Variants in MED12L observed in about 807,000 individuals in gnomAD.
MED12L encodes mediator of RNA polymerase II transcription subunit 12-like protein.
A neutral mutation model predicts 281.3 loss-of-function variants in MED12L; 60 were observed. The observed-to-expected ratio is 0.21, with a 90% CI of 0.17 to 0.26. The LOEUF (loss-of-function observed/expected upper bound fraction) is 0.26. Among genes scored for constraint, MED12L ranks in the 10% least tolerant of loss-of-function variants. MED12L has a pLI of 1.00. For synonymous variants in MED12L, 974 were observed against 987.2 expected, an observed-to-expected ratio of 0.99 and a Z score of 0.25; for missense variants, 2,146 against 2,680.9, an observed-to-expected ratio of 0.80 and a Z score of 4.41.
At position 151,433,241 on chromosome 3, in the gene MED12L, G is replaced by A. The variant is rs776668724; in HGVS notation, c.*437G>A. ...ACCAAACTACTGATTTGAAAGGCAT[G>A]TCAGATCTTGACAGAAACATGGCCT... On this transcript the variant is annotated 3_prime_UTR_variant, in exon 45 of 45. Transcript: ENST00000687756. The A allele has an allele frequency of 3.2e-4, 50 of 154,104 alleles. 1 individual carries two copies. Among genetic ancestry groups the A allele is most frequent in the Non-Finnish European group, 1.4e-4 (10 of 69,256 alleles). The allele number at this position is 154,104 out of a possible 1,614,324, so 9.5% of individuals were successfully genotyped here. A position where few individuals can be genotyped will look rare whatever the true frequency, so the allele number is the denominator to read the frequency against.
chr3:151,098,095 C>T (rs566068791), intron 2 of MED12L, among the ~76,000 whole-genome samples: 1 of 152,254 alleles, frequency 6.6e-6, no homozygotes, highest in Admixed American at 6.5e-5. Flanking sequence ...GCGGGGCATC[C>T]AGGGGAGAGC....
chr3:151,138,133 C>T (rs1343241252), intron 5 of MED12L, among the ~76,000 whole-genome samples: 1 of 151,760 alleles, frequency 6.6e-6, no homozygotes, highest in African/African-American at 2.4e-5. Flanking sequence ...CTTCTTTCTC[C>T]TTACATAGTA....
intron 39 of MED12L, among the ~76,000 whole-genome samples, chr3:151,404,702 C>T (rs1716084234): frequency 6.6e-6 from 1 of 152,210 alleles, no homozygotes. Flanking sequence ...CAAAATCTGG[C>T]TGTGGTTTTT....
rs767005082 is a variant in MED12L at position 151,388,114 on chromosome 3, A to G, written c.5393A>G (p.Asp1798Gly). The change falls in exon 37 of 45, where the codon GAT (aspartate) becomes GGT (glycine). Residue 1798 changes from aspartate to glycine, a missense_variant. Asp to Gly is a moderately conservative substitution (Grantham distance 94). This residue lies in a region of MED12L where 496 missense variants were observed against 512.0 expected (regional missense o/e 0.97). Coordinates refer to ENST00000687756, the MANE Select transcript of MED12L (RefSeq NM_001393769.1). ...ELSDQGKTTT[D>G]EEKKTKGRKR... ...TCAGATCAGGGAAAAACCACAACAG[A>G]TGAAGAAAAGAAAACAAAAGGAAGG... 1.2e-6 allele frequency: 2 copies of G among 1,612,364 alleles called. No homozygotes were observed. The highest frequency in any genetic ancestry group is 1.7e-6 in the Non-Finnish European group (2 of 1,179,826).
At chr3:151,422,279 AC>A (rs1718337005) in intron 43 of MED12L, among the ~76,000 whole-genome samples, 1 of 152,216 alleles carries the variant, frequency 6.6e-6, no homozygotes, top group Non-Finnish European at 1.5e-5. Context: ...CTAACAAAGT[AC>A]GCAAACTAGA....
At chr3:151,356,083 C>T (rs759086126) in intron 19 of MED12L, 44 bp downstream of exon 19, 1 of 1,583,490 alleles carries the variant, frequency 6.3e-7, no homozygotes, top group Admixed American at 1.8e-5. Flanking sequence ...GAAAGCAAAT[C>T]CACCAGGCAT....
At chr3:151,261,993 C>G (rs1382148939) in intron 16 of MED12L, among the ~76,000 whole-genome samples, 1 of 152,152 alleles carries the variant, frequency 6.6e-6, no homozygotes, top group Non-Finnish European at 1.5e-5. Flanking sequence ...TCCCAGTGTG[C>G]TAAGATTACA....
intron 16 of MED12L, chr3:151,329,428 C>A: frequency 1.8e-6 from 2 of 1,127,362 alleles, no homozygotes; most frequent in Non-Finnish European, 2.6e-6. Context: ...TTCCCTTAAG[C>A]ATATTCTTTT....
At chr3:151,319,468 C>CGTGTGTGTGTGTGTGT (rs34335179) in intron 16 of MED12L, among the ~76,000 whole-genome samples, 1 of 145,552 alleles carries the variant, frequency 6.9e-6, no homozygotes, top group Non-Finnish European at 1.5e-5. Flanking sequence ...TGTGTGTGTG[C>CGTGTGTGTGTGTGTGT]GTGTGTGTGT....
intron 16 of MED12L, chr3:151,219,723 T>G (rs774753546): frequency 6.6e-6 from 1 of 152,212 alleles, no homozygotes; most frequent in Non-Finnish European, 1.5e-5. Flanking sequence ...TACTTACTTC[T>G]TAAATTCAGC....
At chr3:151,222,873 A>G (rs1176344276) in intron 16 of MED12L, among the ~76,000 whole-genome samples, 1 of 152,204 alleles carries the variant, frequency 6.6e-6, no homozygotes, top group Admixed American at 6.5e-5. Flanking sequence ...TTATATTCCA[A>G]GTAGGCCTGA....
rs1302008783 is a variant in MED12L at position 151,159,943 on chromosome 3, T to C, written c.949T>C (p.Ser317Pro). The C allele has an allele frequency of 6.2e-7, 1 of 1,614,194 alleles. No individual in the cohort carries two copies. The highest frequency in any genetic ancestry group is 1.1e-5 in the South Asian group (1 of 91,088). ...SDSPNLLAAH[S>P]PHMMIGPNNS... is the part of the protein sequence containing the mutation. ...TAGCCCCAACCTCCTTGCTGCCCAC[T>C]CACCCCACATGATGATAGGACCAAA... Residue 317 changes from serine to proline, a missense_variant, in exon 8 of 45, where the codon TCA becomes CCA. Coordinates refer to ENST00000687756, the MANE Select transcript of MED12L (RefSeq NM_001393769.1).
rs755855951 is a variant in MED12L at position 151,367,708 on chromosome 3, G to C, written c.3390G>C (p.Gln1130His). ...ATFIAILIAR[Q>H]CFSLEDVVQH... ...TCATTGCTATTCTGATAGCACGACA[G>C]TGTTTTTCCCTGGAGGACGTCGTGC... is the stretch of plus-strand genomic sequence containing the variant. Residue 1130 changes from glutamine (Q) to histidine (H), a missense_variant, in exon 24 of 45, where the codon CAG becomes CAC. Physicochemically the swap from Gln to His is conservative, Grantham distance 24. This residue lies in a region of MED12L where 404 missense variants were observed against 603.5 expected (regional missense o/e 0.67). Coordinates refer to ENST00000687756, the MANE Select transcript of MED12L (RefSeq NM_001393769.1). 4 of 1,611,702 alleles carry C rather than the reference G, an allele frequency of 2.5e-6. No homozygotes were observed. The highest frequency in any genetic ancestry group is 3.4e-6 in the Non-Finnish European group (4 of 1,178,528).
At chr3:151,192,724 C>T in intron 15 of MED12L, 70 bp downstream of exon 15, 2 of 923,152 alleles carry the variant, frequency 2.2e-6, no homozygotes, top group South Asian at 1.4e-5. Context: ...TGTCTCGATC[C>T]TTCTGTGTTC....
intron 16 of MED12L, among the ~76,000 whole-genome samples, chr3:151,309,780 G>T (rs964898462): frequency 6.6e-6 from 1 of 152,180 alleles, no homozygotes; most frequent in Non-Finnish European, 1.5e-5. Context: ...GTACCTGCGG[G>T]CACAGAGTCA....
At chr3:151,219,456 A>G (rs1559893490) in intron 16 of MED12L, 1 of 152,232 alleles carries the variant, frequency 6.6e-6, no homozygotes, top group Non-Finnish European at 1.5e-5. Flanking sequence ...CCTTCTGTGA[A>G]GAAAAGAATT....
chr3:151,198,609 T>C, intron 16 of MED12L: 1 of 1,614,030 alleles, frequency 6.2e-7, no homozygotes, highest in Non-Finnish European at 8.5e-7. Context: ...AGTGAAATCC[T>C]GGTTGAGCAA....
At chr3:151,284,881 T>G (rs1743267816) in intron 16 of MED12L, among the ~76,000 whole-genome samples, 7 of 152,130 alleles carry the variant, frequency 4.6e-5, no homozygotes, top group Admixed American at 4.6e-4. Flanking sequence ...GTGCTGGGAT[T>G]ACAGGCGTGA....
chr3:151,311,036 T>C (rs1034633577), intron 16 of MED12L, among the ~76,000 whole-genome samples: 1 of 152,176 alleles, frequency 6.6e-6, no homozygotes, highest in Admixed American at 6.6e-5. Context: ...GAGCAAGAAG[T>C]AGTGTACCAT....
Sources: gnomAD v4.1 joint callset for allele counts (sites outside exome capture counted in the v4.1 genomes callset) on GRCh38, gnomAD v4.1.1 for gene constraint, gnomAD v4.1.1 regional missense constraint, MANE v1.5 for transcripts, NCBI Gene and HGNC (gene_info 2026-07-23, HGNC 2026-07-21) for gene names.